Variants in RUFY3 observed in about 807,000 individuals in gnomAD.
The protein encoded by RUFY3 is protein RUFY3.
In RUFY3, 34 loss-of-function variants were observed where a neutral mutation model predicts 84.0. That is an observed-to-expected ratio of 0.40 (90% CI 0.31 to 0.54). The LOEUF (loss-of-function observed/expected upper bound fraction) is 0.54. RUFY3 is among the 20% of genes least tolerant of loss of function. The pLI is 0.39. For synonymous variants in RUFY3, 242 were observed against 252.9 expected, an observed-to-expected ratio of 0.96 and a Z score of 0.41; for missense variants, 507 against 736.8, an observed-to-expected ratio of 0.69 and a Z score of 3.61.
At position 70,722,146 on chromosome 4, in the gene RUFY3, T is replaced by G; in HGVS notation, c.-428T>G. The G allele has an allele frequency of 8.1e-7, 1 of 1,231,622 alleles. No homozygotes were observed. Among genetic ancestry groups the G allele is most frequent in the Non-Finnish European group, 1.0e-6 (1 of 987,754 alleles). The allele number at this position is 1,231,622 out of a possible 1,614,324, so 76.3% of individuals were successfully genotyped here. ...TTGTTCAGGTTTTTCTTTTATATTT[T>G]TTTTCTGCACAAAGGAGGAGGATTT... On this transcript the variant is annotated 5_prime_UTR_variant, in exon 1 of 18. Transcript: ENST00000381006.
intron 1 of RUFY3, among the ~76,000 whole-genome samples, chr4:70,744,490 C>T (rs979701387): frequency 6.6e-6 from 1 of 151,892 alleles, no homozygotes; most frequent in African/African-American, 2.4e-5. Context: ...CTTGAGCCAC[C>T]GAACCCGGCT....
At chr4:70,704,730 G>T (rs999408242), upstream of RUFY3, 16 of 332,494 alleles carry the variant, frequency 4.8e-5, no homozygotes, top group Non-Finnish European at 7.5e-5. Flanking sequence ...CGGGCGGGGC[G>T]GTCCCTCCAG....
At chr4:70,791,167 C>G in intron 12 of RUFY3, 1 of 1,414,592 alleles carries the variant, frequency 7.1e-7, no homozygotes, top group Non-Finnish European at 1.0e-6. Context: ...TTTTGTGTTT[C>G]CTGTTTATCC....
intron 1 of RUFY3, among the ~76,000 whole-genome samples, chr4:70,726,030 A>G (rs1718171280): frequency 6.6e-6 from 1 of 152,202 alleles, no homozygotes; most frequent in Admixed American, 6.5e-5. Context: ...TGGAATGATC[A>G]CTCTGGCAAC....
chr4:70,741,563 C>T, intron 1 of RUFY3: 1 of 1,412,484 alleles, frequency 7.1e-7, no homozygotes, highest in Admixed American at 2.4e-5. Context: ...TTTAATAGCA[C>T]TTTTCTTTCT....
chr4:70,713,869 C>T (rs766109682), intron 1 of RUFY3, among the ~76,000 whole-genome samples: 2 of 152,150 alleles, frequency 1.3e-5, no homozygotes, highest in African/African-American at 2.4e-5. Context: ...GCTCACATCT[C>T]CTTTTTACTT....
intron 1 of RUFY3, 61 bp from the exon 2 acceptor site, chr4:70,762,458 T>C: frequency 6.8e-7 from 1 of 1,464,824 alleles, no homozygotes; most frequent in Non-Finnish European, 9.3e-7. Flanking sequence ...CAACTAATAC[T>C]GAATTTTAAA....
chr4:70,766,270 A>G (rs1317028953), intron 4 of RUFY3, among the ~76,000 whole-genome samples: 1 of 151,844 alleles, frequency 6.6e-6, no homozygotes, highest in African/African-American at 2.4e-5. Context: ...GCTTTAAGAG[A>G]CTCGCGCTCT....
intron 14 of RUFY3, among the ~76,000 whole-genome samples, chr4:70,795,323 G>A (rs560070231): frequency 6.6e-6 from 1 of 152,026 alleles, no homozygotes; most frequent in Non-Finnish European, 1.5e-5. Flanking sequence ...TTCAAATCAT[G>A]AGGATTTCAT....
intron 1 of RUFY3, among the ~76,000 whole-genome samples, chr4:70,713,972 T>TA (rs1741287424): frequency 6.6e-6 from 1 of 152,220 alleles, no homozygotes; most frequent in Admixed American, 6.5e-5. Context: ...GAGAAGCACT[T>TA]ATCATAGTGC....
chr4:70,793,735 C>A (rs375008008), intron 12 of RUFY3, 50 bp from the exon 13 acceptor site: 32 of 1,613,240 alleles, frequency 2.0e-5, no homozygotes, highest in Non-Finnish European at 2.7e-5. Flanking sequence ...GGTCTTCTTC[C>A]CCACCATGGC....
intron 16 of RUFY3, 31 bp downstream of exon 16, chr4:70,803,014 GTATGAAT>G (rs1281642535): frequency 6.3e-7 from 1 of 1,583,430 alleles, no homozygotes; most frequent in African/African-American, 1.3e-5. Flanking sequence ...AAAACATCTT[GTATGAAT>G]TATGAAGTTG....
rs58429331 is a variant in RUFY3, at chr4:70,759,356, T to TGTGTGTGTG, written c.179-3163_179-3162insGTGTGTGTG. On this transcript the variant is annotated intron_variant, in intron 1 of 17. Transcript: ENST00000381006. ...GATTTCATTCTTTTTATGGCTGAAT[T>TGTGTGTGTG]TGTGTGTGTGTGTGTATGTGTGTGT... 7.7e-3 allele frequency among the ~76,000 whole-genome samples: 925 copies of TGTGTGTGTG among 119,916 alleles called. 3 individuals carry two copies. The highest frequency in any genetic ancestry group is 0.01 in the Admixed American group (100 of 9,996). The allele number at this position is 119,916 out of a possible 152,430, so 78.7% of individuals were successfully genotyped here.
intron 1 of RUFY3, among the ~76,000 whole-genome samples, chr4:70,735,969 C>T (rs1358520985): frequency 6.6e-6 from 1 of 151,710 alleles, no homozygotes; most frequent in African/African-American, 2.4e-5. Context: ...GCCTGGGCAA[C>T]AAGAGCAAAA....
chr4:70,789,260 A>G (rs1188121797), intron 11 of RUFY3, among the ~76,000 whole-genome samples: 1 of 152,162 alleles, frequency 6.6e-6, no homozygotes, highest in Non-Finnish European at 1.5e-5. Context: ...TAAGTTATAT[A>G]TTCTATTAGC....
intron 8 of RUFY3, among the ~76,000 whole-genome samples, chr4:70,779,766 G>A (rs756008186): frequency 1.3e-5 from 2 of 151,796 alleles, no homozygotes; most frequent in Non-Finnish European, 2.9e-5. Context: ...TAGAGAGGGG[G>A]TCTTGCCATG....
At chr4:70,777,861 T>A (rs1728225495) in intron 7 of RUFY3, among the ~76,000 whole-genome samples, 1 of 152,226 alleles carries the variant, frequency 6.6e-6, no homozygotes, top group Non-Finnish European at 1.5e-5. Context: ...CTCTTTTATT[T>A]CATTGAATAA....
In RUFY3 at chr4:70,784,874, C is replaced by T. The variant is rs1729527968; in HGVS notation, c.1066C>T (p.Arg356Ter). 1 of 1,595,742 alleles carries T rather than the reference C, an allele frequency of 6.3e-7. No homozygotes were observed. Among genetic ancestry groups the T allele is most frequent in the Non-Finnish European group, 8.5e-7 (1 of 1,170,920 alleles). The change falls in exon 10 of 18, where the codon CGA becomes TGA. Residue 356 changes from arginine (R) to a stop codon, truncating the protein, a stop_gained. Coordinates refer to ENST00000381006, the MANE Select transcript of RUFY3 (RefSeq NM_001037442.4). LOFTEE classifies it high-confidence loss of function. ...RKHLKEETQL[R>*]LDVEKELEMQ... Reference sequence around the variant, plus strand: ...GCATTTAAAAGAAGAGACACAATTACGATTGGTAAACTATGCTTAATTTCT... The same window carrying T: ...GCATTTAAAAGAAGAGACACAATTATGATTGGTAAACTATGCTTAATTTCT...
intron 1 of RUFY3, among the ~76,000 whole-genome samples, chr4:70,730,665 G>A (rs1026777831): frequency 6.6e-6 from 1 of 151,982 alleles, no homozygotes; most frequent in African/African-American, 2.4e-5. Flanking sequence ...CTTGAACCTG[G>A]GAGACAGAGG....
Sources: gnomAD v4.1 joint callset for allele counts (sites outside exome capture counted in the v4.1 genomes callset) on GRCh38, gnomAD v4.1.1 for gene constraint, MANE v1.5 for transcripts, NCBI Gene and HGNC (gene_info 2026-07-23, HGNC 2026-07-21) for gene names.